NCKAP5: variants seen among roughly 807,000 people sequenced by gnomAD.
NCKAP5 encodes nck-associated protein 5.
NCKAP5 carries 92 observed loss-of-function variants against 167.0 expected under a neutral mutation model. The observed-to-expected ratio is 0.55, with a 90% CI of 0.47 to 0.66. The LOEUF is 0.66. NCKAP5 is among the 30% of genes least tolerant of loss of function. The pLI, the probability that NCKAP5 is intolerant of heterozygous loss-of-function variation, is 0.00. For missense variants in NCKAP5, 2,378 were observed against 2,315.0 expected, an observed-to-expected ratio of 1.03 and a Z score of -0.56; for synonymous variants, 891 against 877.4, an observed-to-expected ratio of 1.02 and a Z score of -0.27.
chr2:133,615,944 A>C, the NCKAP5 span, among the ~76,000 whole-genome samples: 8 of 151,008 alleles, frequency 5.3e-5, no homozygotes, highest in Non-Finnish European at 7.4e-5. Flanking sequence ...AAATTATAAC[A>C]AACTATCTCT....
At chr2:133,017,378 T>C (rs368164977) in intron 6 of NCKAP5, among the ~76,000 whole-genome samples, 2 of 152,198 alleles carry the variant, frequency 1.3e-5, no homozygotes, top group East Asian at 3.8e-4. Context: ...GGTTTAGAAG[T>C]ATAATATACC....
At chr2:133,231,091 C>A (rs2087125617) in intron 4 of NCKAP5, among the ~76,000 whole-genome samples, 1 of 152,138 alleles carries the variant, frequency 6.6e-6, no homozygotes, top group Admixed American at 6.6e-5. Flanking sequence ...TAGACTACTA[C>A]ACGAAGGTCT....
intron 5 of NCKAP5, among the ~76,000 whole-genome samples, chr2:133,175,181 T>C (rs553527070): frequency 1.3e-5 from 2 of 152,296 alleles, no homozygotes; most frequent in South Asian, 2.1e-4. Context: ...TATGTGCATG[T>C]CTCCTTCCCA....
the NCKAP5 span, among the ~76,000 whole-genome samples, chr2:133,602,518 C>T: frequency 3.3e-5 from 5 of 152,238 alleles, no homozygotes; most frequent in South Asian, 2.1e-4. Flanking sequence ...GAGGTAGGCA[C>T]GTGGCTATCT....
intron 5 of NCKAP5, among the ~76,000 whole-genome samples, chr2:133,131,214 T>C (rs1396219036): frequency 6.6e-6 from 1 of 152,112 alleles, no homozygotes; most frequent in Non-Finnish European, 1.5e-5. Flanking sequence ...TGAATCCTGA[T>C]CCTCTAAAAA....
At chr2:133,056,085 AAGTT>A (rs1476519664) in intron 6 of NCKAP5, among the ~76,000 whole-genome samples, 1 of 152,144 alleles carries the variant, frequency 6.6e-6, no homozygotes, top group Non-Finnish European at 1.5e-5. Context: ...TCAGGCAGGA[AAGTT>A]ATATGATTGA....
chr2:133,408,395 A>G (rs1255796592), intron 3 of NCKAP5, among the ~76,000 whole-genome samples: 5 of 152,212 alleles, frequency 3.3e-5, no homozygotes, highest in Non-Finnish European at 5.9e-5. Context: ...GTATACTTAT[A>G]TGGTCCCTGA....
chr2:133,598,304 C>T, the NCKAP5 span, among the ~76,000 whole-genome samples: 2 of 152,222 alleles, frequency 1.3e-5, no homozygotes, highest in South Asian at 4.1e-4. Flanking sequence ...ACATAACACA[C>T]TGTAGGCTCA....
chr2:132,783,027 G>C lies in NCKAP5; in HGVS notation c.3784C>G (p.Leu1262Val). Residue 1262 changes from leucine (L) to valine (V), a missense_variant, in exon 14 of 20, where the codon CTA (leucine) becomes GTA (valine). This residue lies in a region of NCKAP5 where 1,325 missense variants were observed against 1,274.5 expected (regional missense o/e 1.04). Transcript: ENST00000409261. ...CCATTCATACCCAGAGCTGGTTTTA[G>C]GTGTGGTTTGCTGGAGGAAAGGGAT... ...RRSLSSSKPH[L>V]KPALGMNGAK... is the part of the protein sequence containing the mutation. 1 of 1,613,900 alleles carries C rather than the reference G, an allele frequency of 6.2e-7. No individual in the cohort carries two copies. Among genetic ancestry groups the C allele is most frequent in the Non-Finnish European group, 8.5e-7 (1 of 1,179,850 alleles).
chr2:132,907,688 C>T (rs985803548), intron 8 of NCKAP5, among the ~76,000 whole-genome samples: 1 of 151,878 alleles, frequency 6.6e-6, no homozygotes, highest in South Asian at 2.1e-4. Flanking sequence ...GAAGGAGTCT[C>T]GCTGTGTTGC....
At chr2:133,237,313 C>G in intron 4 of NCKAP5, among the ~76,000 whole-genome samples, 1 of 152,110 alleles carries the variant, frequency 6.6e-6, no homozygotes, top group South Asian at 2.1e-4. Context: ...TAATCCAGAT[C>G]TCCTTAATTC....
intron 8 of NCKAP5, among the ~76,000 whole-genome samples, chr2:132,917,847 A>G (rs1469717184): frequency 6.6e-6 from 1 of 152,044 alleles, no homozygotes; most frequent in Non-Finnish European, 1.5e-5. Context: ...TCCCACTTAT[A>G]CCATTTCATA....
chr2:133,094,428 C>T lies in NCKAP5; in HGVS notation c.341+35550G>A, dbSNP rs532991312. 6.6e-5 allele frequency among the ~76,000 whole-genome samples: 10 copies of T among 152,294 alleles called. No individual in the cohort carries two copies. In the East Asian group the frequency reaches 1.9e-3, roughly 29 times the overall value. The stretch of plus-strand genomic sequence containing the variant: ...AATAATTAAAAGACTCCTTTTAAGG[C>T]TAAATACCACCTGGCTCCCAAATTT... On this transcript the variant is annotated intron_variant, in intron 6 of 19. Coordinates refer to ENST00000409261, the MANE Select transcript of NCKAP5 (RefSeq NM_207363.3).
intron 5 of NCKAP5, among the ~76,000 whole-genome samples, chr2:133,201,047 T>C (rs997043837): frequency 6.6e-6 from 1 of 152,120 alleles, no homozygotes; most frequent in South Asian, 2.1e-4. Context: ...ACAACAATAA[T>C]AAAATAGAAT....
At chr2:133,471,632 C>T (rs904480378) in intron 3 of NCKAP5, among the ~76,000 whole-genome samples, 10 of 152,144 alleles carry the variant, frequency 6.6e-5, no homozygotes, top group Non-Finnish European at 1.5e-4. Context: ...CTGATAATTG[C>T]TTTCCAGGAC....
intron 4 of NCKAP5, among the ~76,000 whole-genome samples, chr2:133,270,230 T>C (rs2089447556): frequency 6.6e-6 from 1 of 152,218 alleles, no homozygotes; most frequent in Admixed American, 6.5e-5. Flanking sequence ...ATTGTGGTGG[T>C]AGTTGCAAAA....
At chr2:132,871,726 G>A (rs921523649) in intron 9 of NCKAP5, among the ~76,000 whole-genome samples, 13 of 152,164 alleles carry the variant, frequency 8.5e-5, no homozygotes, top group African/African-American at 3.1e-4. Flanking sequence ...GCTGAACAAA[G>A]ATACACGAAT....
At chr2:132,770,338 ATAAT>A (rs1681919815) in intron 16 of NCKAP5, among the ~76,000 whole-genome samples, 1 of 148,918 alleles carries the variant, frequency 6.7e-6, no homozygotes, top group South Asian at 2.1e-4. Context: ...GATTTTATTA[ATAAT>A]TAATATGAAT....
At chr2:133,186,146 G>C (rs2084936217) in intron 5 of NCKAP5, among the ~76,000 whole-genome samples, 1 of 151,862 alleles carries the variant, frequency 6.6e-6, no homozygotes, top group Non-Finnish European at 1.5e-5. Flanking sequence ...TCGATGCCTA[G>C]TCTGTTGAGG....
Sources: gnomAD v4.1 joint callset for allele counts (sites outside exome capture counted in the v4.1 genomes callset) on GRCh38, gnomAD v4.1.1 for gene constraint, gnomAD v4.1.1 regional missense constraint, MANE v1.5 for transcripts, NCBI Gene and HGNC (gene_info 2026-07-23, HGNC 2026-07-21) for gene names.